The following TBC1D2B variants were observed in gnomAD, a reference collection of about 807,000 sequenced individuals.
TBC1D2B encodes the protein TBC1 domain family, member 2B.
A neutral mutation model predicts 100.8 loss-of-function variants in TBC1D2B; 64 were observed. The observed-to-expected ratio is 0.64, with a 90% CI of 0.52 to 0.78. TBC1D2B has a LOEUF of 0.78. Among genes scored for constraint, TBC1D2B ranks in the 30% least tolerant of loss-of-function variants. The pLI, the probability that TBC1D2B is intolerant of heterozygous loss-of-function variation, is 0.00. For synonymous variants in TBC1D2B, 480 were observed against 479.7 expected (o/e 1.00, Z -0.01); for missense variants, 1,052 against 1,218.4 (o/e 0.86, Z 2.03).
At position 78,045,070 on chromosome 15, in the gene TBC1D2B, T is replaced by TG; in HGVS notation, c.515-3dup. On this transcript the variant is annotated splice_polypyrimidine_tract_variant and splice_region_variant and intron_variant, in intron 2 of 12. Transcript: ENST00000300584. ...CATTTGGGTGTGGGTAAATTAAATC[T>TG]GAAAAAAAAGGTAAACAAATGTCAG... is the stretch of plus-strand genomic sequence containing the variant. 6.3e-7 allele frequency: 1 copy of TG among 1,583,608 alleles called. No individual in the cohort carries two copies. Among genetic ancestry groups the TG allele is most frequent in the Non-Finnish European group, 8.6e-7 (1 of 1,164,466 alleles).
chr15:78,008,333 G>A (rs574808357), intron 10 of TBC1D2B, among the ~76,000 whole-genome samples: 23 of 152,348 alleles, frequency 1.5e-4, no homozygotes, highest in African/African-American at 5.5e-4. Flanking sequence ...GTGACTGCAG[G>A]CCCCACTGCT....
chr15:78,050,543 T>C (rs2073292423), intron 2 of TBC1D2B, among the ~76,000 whole-genome samples: 1 of 152,208 alleles, frequency 6.6e-6, no homozygotes, highest in South Asian at 2.1e-4. Flanking sequence ...GGCACCTCCT[T>C]TGGGTTCTAG....
chr15:78,024,585 AGAG>A, intron 5 of TBC1D2B, 46 bp from the exon 6 acceptor site: 1 of 1,526,282 alleles, frequency 6.6e-7, no homozygotes, highest in Non-Finnish European at 8.8e-7. Flanking sequence ...AAGAGCAAGG[AGAG>A]GAGGAAAAGC....
intron 8 of TBC1D2B, among the ~76,000 whole-genome samples, chr15:78,014,398 G>A (rs2072314440): frequency 1.3e-5 from 2 of 152,156 alleles, no homozygotes; most frequent in African/African-American, 4.8e-5. Context: ...CAGAGTTAAA[G>A]GTATGTATTT....
At chr15:78,020,525 A>G (rs1192706230) in intron 6 of TBC1D2B, among the ~76,000 whole-genome samples, 2 of 152,238 alleles carry the variant, frequency 1.3e-5, no homozygotes, top group Non-Finnish European at 2.9e-5. Context: ...TAACCCTCAC[A>G]ATACCTATGA....
intron 2 of TBC1D2B, among the ~76,000 whole-genome samples, 180 bp from the exon 3 acceptor site, chr15:78,045,248 C>T (rs1019980642): frequency 2.6e-5 from 4 of 152,190 alleles, no homozygotes; most frequent in African/African-American, 9.7e-5. Flanking sequence ...AAACCATCTT[C>T]ATCTAAACAG....
intron 1 of TBC1D2B, among the ~76,000 whole-genome samples, chr15:78,057,037 A>G (rs1364137368): frequency 6.6e-6 from 1 of 152,184 alleles, no homozygotes; most frequent in African/African-American, 2.4e-5. Flanking sequence ...AGAAGCTGGC[A>G]CATACTCACT....
intron 3 of TBC1D2B, among the ~76,000 whole-genome samples, chr15:78,039,943 G>A (rs1171884782): frequency 6.6e-6 from 1 of 152,216 alleles, no homozygotes; most frequent in African/African-American, 2.4e-5. Context: ...CTGGACCCCA[G>A]GAGCCAGAGG....
chr15:78,022,570 G>A (rs775281495), intron 6 of TBC1D2B, among the ~76,000 whole-genome samples: 3 of 151,836 alleles, frequency 2.0e-5, no homozygotes, highest in Non-Finnish European at 4.4e-5. Context: ...CTTGCAACGG[G>A]GTCTCACTTT....
Position 78,077,305 on chromosome 15 carries a change from G to C in TBC1D2B, c.348C>G (p.Val116=), listed in dbSNP as rs775089740. The C allele has an allele frequency of 5.9e-6, 9 of 1,519,722 alleles. No individual in the cohort carries two copies. Among genetic ancestry groups the C allele is most frequent in the Admixed American group, 2.1e-5 (1 of 48,598 alleles). The allele number at this position is 1,519,722 out of a possible 1,614,324, so 94.1% of individuals were successfully genotyped here. The part of the protein sequence containing the change: ...AHFQVHSAGA[V]TVLKAPNRQL... ...CGAGCGGTCCCACCTTGAGCACCGT[G>C]ACGGCTCCCGCGCTGTGCACCTGGA... The change falls in exon 1 of 13, where the codon GTC becomes GTG. Residue 116 remains valine, a synonymous_variant. Transcript: ENST00000300584.
At chr15:78,055,705 C>T (rs1454812142) in intron 1 of TBC1D2B, among the ~76,000 whole-genome samples, 3 of 152,226 alleles carry the variant, frequency 2.0e-5, no homozygotes, top group African/African-American at 7.2e-5. Flanking sequence ...ATTTTCATTA[C>T]AGGATCTTTG....
chr15:78,033,104 A>G (rs1253819211), intron 3 of TBC1D2B, among the ~76,000 whole-genome samples: 1 of 152,232 alleles, frequency 6.6e-6, no homozygotes, highest in Non-Finnish European at 1.5e-5. Flanking sequence ...TTTAAGTATA[A>G]CCCTAATTTG....
chr15:78,027,777 T>C (rs1485635704), intron 4 of TBC1D2B, among the ~76,000 whole-genome samples: 6 of 152,256 alleles, frequency 3.9e-5, no homozygotes, highest in African/African-American at 1.4e-4. Context: ...TTATTTTCAA[T>C]AACCCAAATC....
Position 78,017,961 on chromosome 15 carries a change from T to A in TBC1D2B, c.1471-4A>T. On this transcript the variant is annotated splice_polypyrimidine_tract_variant and splice_region_variant and intron_variant, in intron 6 of 12. Coordinates refer to ENST00000300584, the MANE Select transcript of TBC1D2B (RefSeq NM_144572.2). ...TTTTGTACCCCTGTAGATTATCCTG[T>A]TAGAAAAAAAAAAAATCCCTGAATT... 1 of 1,509,900 alleles carries A rather than the reference T, an allele frequency of 6.6e-7. No individual in the cohort carries two copies. The highest frequency in any genetic ancestry group is 9.0e-7 in the Non-Finnish European group (1 of 1,108,386). The allele number at this position is 1,509,900 out of a possible 1,614,324, so 93.5% of individuals were successfully genotyped here. A position where few individuals can be genotyped will look rare whatever the true frequency, so the allele number is the denominator to read the frequency against.
intron 8 of TBC1D2B, among the ~76,000 whole-genome samples, chr15:78,013,762 T>C (rs2072298049): frequency 6.6e-6 from 1 of 152,244 alleles, no homozygotes; most frequent in Non-Finnish European, 1.5e-5. Context: ...TATAAGCTAT[T>C]AGGGATAAGG....
At chr15:78,008,299 CCACT>C (rs1456782634) in intron 10 of TBC1D2B, among the ~76,000 whole-genome samples, 1 of 152,248 alleles carries the variant, frequency 6.6e-6, no homozygotes, top group Admixed American at 6.5e-5. Flanking sequence ...ATGAAATGCG[CCACT>C]CAGACTCCCA....
At position 78,077,631 on chromosome 15, in the gene TBC1D2B, C is replaced by G. The variant is rs2073854311; in HGVS notation, c.22G>C (p.Ala8Pro). MPGAGAR[A>P]EEGGGGGEGA... Reference sequence around the variant, plus strand: ...TCGCCGCCGCCGCCGCCCTCCTCCGCCCGGGCTCCGGCCCCCGGCATCGCT... The same window carrying G: ...TCGCCGCCGCCGCCGCCCTCCTCCGGCCGGGCTCCGGCCCCCGGCATCGCT... The change falls in exon 1 of 13, where the codon GCG becomes CCG. Residue 8 changes from alanine (A) to proline (P), a missense_variant. Physicochemically the swap from Ala to Pro is conservative, Grantham distance 27 (BLOSUM62 -1). Around this residue, in one of 4 missense-constraint regions of TBC1D2B, gnomAD observed 627 missense variants for 646.1 expected, o/e 0.97. Coordinates refer to ENST00000300584, the MANE Select transcript of TBC1D2B (RefSeq NM_144572.2). The G allele has an allele frequency of 1.0e-6, 1 of 999,024 alleles. No individual in the cohort carries two copies. Among genetic ancestry groups the G allele is most frequent in the Non-Finnish European group, 1.2e-6 (1 of 839,602 alleles). The allele number at this position is 999,024 out of a possible 1,614,324, so 61.9% of individuals were successfully genotyped here. A position where few individuals can be genotyped will look rare whatever the true frequency, so the allele number is the denominator to read the frequency against.
intron 4 of TBC1D2B, among the ~76,000 whole-genome samples, chr15:78,027,298 T>A (rs1350117808): frequency 6.6e-6 from 1 of 152,164 alleles, no homozygotes; most frequent in Non-Finnish European, 1.5e-5. Flanking sequence ...TCGTCCTCCT[T>A]CTTGAAGTGA....
At chr15:78,024,848 G>A (rs2072616759) in intron 5 of TBC1D2B, among the ~76,000 whole-genome samples, 1 of 152,198 alleles carries the variant, frequency 6.6e-6, no homozygotes, top group Admixed American at 6.5e-5. Flanking sequence ...AAGAGTCACT[G>A]AACTGCTGAA....
Sources: allele counts gnomAD v4.1 joint callset (sites outside exome capture counted in the v4.1 genomes callset), GRCh38; gene constraint gnomAD v4.1.1; regional missense constraint gnomAD v4.1.1; transcripts MANE v1.5; gene names NCBI Gene and HGNC (gene_info 2026-07-23, HGNC 2026-07-21).